The following PCA3 variants were observed in gnomAD, a reference collection of about 807,000 sequenced individuals.
PCA3 encodes the protein prostate cancer associated 3, also known as Differential Display code 3.
intron 2 of PCA3, among the ~76,000 whole-genome samples, chr9:76,782,221 G>T (rs1482303239): frequency 6.7e-6 from 1 of 150,136 alleles, no homozygotes; most frequent in Non-Finnish European, 1.5e-5. Flanking sequence ...CTCAAAAAAA[G>T]AAAAAAAAGA....
At chr9:76,768,139 C>T (rs2052629106) in intron 2 of PCA3, among the ~76,000 whole-genome samples, 1 of 152,146 alleles carries the variant, frequency 6.6e-6, no homozygotes, top group Non-Finnish European at 1.5e-5. Flanking sequence ...TCTAATTCCC[C>T]TCCCCAGAAA....
intron 2 of PCA3, among the ~76,000 whole-genome samples, chr9:76,766,655 A>G (rs556635181): frequency 1.2e-4 from 18 of 152,062 alleles, no homozygotes; most frequent in South Asian, 2.1e-4. Flanking sequence ...CTTCCCCCCA[A>G]TCACAGAGGT....
intron 2 of PCA3, among the ~76,000 whole-genome samples, chr9:76,782,467 CTTTG>C (rs1203234917): frequency 2.6e-5 from 4 of 152,188 alleles, no homozygotes; most frequent in Non-Finnish European, 5.9e-5. Flanking sequence ...CTGTGCCACA[CTTTG>C]TTTATCTGAA....
intron 2 of PCA3, among the ~76,000 whole-genome samples, chr9:76,766,867 C>T (rs1305999261): frequency 6.6e-6 from 1 of 152,198 alleles, no homozygotes; most frequent in African/African-American, 2.4e-5. Context: ...CTACCACTGT[C>T]ACTGTCAACT....
At position 76,768,583 on chromosome 9, in the gene PCA3, ATGTGTG is replaced by A. The variant is rs55793596; in HGVS notation, n.852+32004_852+32009del. ...TGGGTTGATATATATATGTATATGT[ATGTGTG>A]TGTGTGTGTGTGTGTGTGTGTGTGT... is the stretch of plus-strand genomic sequence containing the variant. On this transcript the variant is annotated intron_variant and non_coding_transcript_variant, in intron 2 of 5. Coordinates refer to ENST00000644657, the Ensembl canonical transcript of PCA3. Among the ~76,000 whole-genome samples, 626 of 103,338 alleles carry A rather than the reference ATGTGTG, an allele frequency of 6.1e-3. 4 individuals carry two copies. The highest frequency in any genetic ancestry group is 0.013 in the African/African-American group (391 of 30,854). 67.8% of individuals were successfully genotyped at this position (103,338 alleles called of 152,430 possible).
At chr9:76,767,134 G>A (rs1237156069) in intron 2 of PCA3, among the ~76,000 whole-genome samples, 1 of 152,072 alleles carries the variant, frequency 6.6e-6, no homozygotes, top group African/African-American at 2.4e-5. Context: ...AACTATTGTT[G>A]GCAGTCACCA....
intron 2 of PCA3, chr9:76,786,285 T>A (rs17787401): frequency 2.6e-5 from 4 of 152,136 alleles, no homozygotes; most frequent in African/African-American, 9.7e-5. Context: ...TAGGAGAGAA[T>A]ATAAGAACTC....
intron 2 of PCA3, among the ~76,000 whole-genome samples, chr9:76,780,484 A>G (rs1360723871): frequency 2.0e-5 from 3 of 152,046 alleles, no homozygotes; most frequent in African/African-American, 7.2e-5. Flanking sequence ...CCAGGAGATC[A>G]AGACCATCCT....
intron 2 of PCA3, among the ~76,000 whole-genome samples, chr9:76,774,309 G>T (rs1390993175): frequency 6.6e-6 from 1 of 151,460 alleles, no homozygotes; most frequent in Non-Finnish European, 1.5e-5. Context: ...TTAATTTTTT[G>T]TATTTTTTTG....
chr9:76,774,460 T>TATTTATTTATTTATTTTTTA (rs1564272674), intron 2 of PCA3, among the ~76,000 whole-genome samples: 2 of 138,580 alleles, frequency 1.4e-5, no homozygotes, highest in East Asian at 2.0e-4. Flanking sequence ...CTTTTTTTTT[T>TATTTATTTATTTATTTTTTA]TTTTTTTTTT....
chr9:76,772,299 T>C (rs1028569288), intron 2 of PCA3, among the ~76,000 whole-genome samples: 2 of 152,204 alleles, frequency 1.3e-5, no homozygotes, highest in African/African-American at 4.8e-5. Context: ...GGATGGACTC[T>C]TCAATAGTTA....
intron 2 of PCA3, among the ~76,000 whole-genome samples, chr9:76,782,298 G>A (rs577754825): frequency 1.3e-5 from 2 of 152,282 alleles, no homozygotes; most frequent in Admixed American, 6.5e-5. Context: ...TCTCAGAAAG[G>A]GAAAGAATGA....
At position 76,774,469 on chromosome 9, in the gene PCA3, T is replaced by TATTTATTTA. The variant is rs1172601108; in HGVS notation, n.853-34114_853-34113insATTTATTTA. 1.5e-3 allele frequency among the ~76,000 whole-genome samples: 204 copies of TATTTATTTA among 140,138 alleles called. 5 individuals carry two copies. Among genetic ancestry groups the TATTTATTTA allele is most frequent in the Admixed American group, 5.0e-3 (70 of 13,898 alleles). The allele number at this position is 140,138 out of a possible 152,430, so 91.9% of individuals were successfully genotyped here. ...TCAACCCTTTTTTTTTTTTTTTTTTTTTTTTTTTGAGATGGAGTCTCACTT... is the reference window on the plus strand; with the variant it reads ...TCAACCCTTTTTTTTTTTTTTTTTTTATTTATTTATTTTTTTTGAGATGGAGTCTCACTT... On this transcript the variant is annotated intron_variant and non_coding_transcript_variant, in intron 2 of 5. Transcript: ENST00000644657.
intron 2 of PCA3, among the ~76,000 whole-genome samples, chr9:76,766,493 C>T (rs1405120449): frequency 6.6e-6 from 1 of 152,210 alleles, no homozygotes; most frequent in East Asian, 1.9e-4. Flanking sequence ...TCTGAACCAA[C>T]ATTAACATTC....
At chr9:76,786,053 C>T (rs1439334435) in intron 2 of PCA3, 2 of 152,152 alleles carry the variant, frequency 1.3e-5, no homozygotes, top group African/African-American at 4.8e-5. Flanking sequence ...AAGCAAAATA[C>T]TTGCATTAGG....
intron 2 of PCA3, among the ~76,000 whole-genome samples, chr9:76,765,027 T>C (rs73460250): frequency 0.07 from 10,612 of 152,232 alleles, 1,187 homozygotes; most frequent in African/African-American, 0.23. Context: ...AAATTTGAGA[T>C]ACCCATTAGA....
chr9:76,770,883 A>T (rs902812556), intron 2 of PCA3, among the ~76,000 whole-genome samples: 2 of 152,194 alleles, frequency 1.3e-5, no homozygotes, highest in African/African-American at 4.8e-5. Flanking sequence ...ATCAATGCGA[A>T]AGTAAATTTG....
chr9:76,768,741 G>A (rs914670315), intron 2 of PCA3, among the ~76,000 whole-genome samples: 3 of 151,820 alleles, frequency 2.0e-5, no homozygotes, highest in African/African-American at 7.3e-5. Flanking sequence ...ACTTTCTTTT[G>A]AATTTCTTAC....
At chr9:76,766,898 C>A (rs2052460017) in intron 2 of PCA3, among the ~76,000 whole-genome samples, 1 of 152,194 alleles carries the variant, frequency 6.6e-6, no homozygotes. Context: ...CATACACATA[C>A]ACAACGCATA....
Sources: gnomAD v4.1 joint callset for allele counts (sites outside exome capture counted in the v4.1 genomes callset) on GRCh38, gnomAD v4.1.1 for gene constraint, MANE v1.5 for transcripts, NCBI Gene and HGNC (gene_info 2026-07-23, HGNC 2026-07-21) for gene names.